The following CNTN5 variants were observed in gnomAD, a reference collection of about 807,000 sequenced individuals.
CNTN5 encodes contactin-5.
A neutral mutation model predicts 129.1 loss-of-function variants in CNTN5; 77 were observed. That is an observed-to-expected ratio of 0.60 (90% CI 0.50 to 0.72). The LOEUF (loss-of-function observed/expected upper bound fraction) is 0.72, where lower values mean the gene tolerates loss of function less well. Ranked by LOEUF, CNTN5 falls within the 30% of genes least tolerant of loss-of-function variation. The pLI is 0.00. For synonymous variants in CNTN5, 509 were observed against 465.6 expected (o/e 1.09, Z -1.20); for missense variants, 1,478 against 1,328.8 (o/e 1.11, Z -1.75).
At chr11:99,951,391 T>C (rs1950672423) in intron 7 of CNTN5, among the ~76,000 whole-genome samples, 1 of 152,158 alleles carries the variant, frequency 6.6e-6, no homozygotes, top group Non-Finnish European at 1.5e-5. Flanking sequence ...CTACTACTTG[T>C]TGATATCCCA....
chr11:100,278,547 T>G (rs1406087406), intron 18 of CNTN5, among the ~76,000 whole-genome samples: 1 of 151,992 alleles, frequency 6.6e-6, no homozygotes, highest in Non-Finnish European at 1.5e-5. Flanking sequence ...TTCCTAAGTG[T>G]TGTATTTTAT....
rs772271718 is a variant in CNTN5, at chr11:99,879,999, T to A, written c.577+34737T>A. On this transcript the variant is annotated intron_variant, in intron 6 of 24. Transcript: ENST00000524871. ...CAAAATTCATTGCAGTCTGTGAGAA[T>A]ATCTTTCAAAGTGAGGTGGGTTTCC... 1.1e-3 allele frequency among the ~76,000 whole-genome samples: 162 copies of A among 152,320 alleles called. 2 individuals carry two copies. Among genetic ancestry groups the A allele is most frequent in the Non-Finnish European group, 1.6e-4 (11 of 68,028 alleles).
At chr11:99,941,914 A>G (rs1203490728) in intron 7 of CNTN5, among the ~76,000 whole-genome samples, 1 of 152,066 alleles carries the variant, frequency 6.6e-6, no homozygotes, top group Non-Finnish European at 1.5e-5. Flanking sequence ...AATTTAGTCT[A>G]TTACCAAGGG....
chr11:100,071,960 C>G, intron 12 of CNTN5, 126 bp downstream of exon 12: 1 of 856,956 alleles, frequency 1.2e-6, no homozygotes, highest in Non-Finnish European at 1.7e-6. Flanking sequence ...AAAAGAAATA[C>G]TATGTCTTGC....
chr11:99,077,920 A>AATCT (rs1310138708), intron 1 of CNTN5, among the ~76,000 whole-genome samples: 20 of 152,196 alleles, frequency 1.3e-4, no homozygotes, highest in African/African-American at 4.6e-4. Context: ...TAAATTACCC[A>AATCT]ATCTCAGGCA....
At chr11:100,014,983 A>G (rs1335863198) in intron 9 of CNTN5, among the ~76,000 whole-genome samples, 2 of 152,170 alleles carry the variant, frequency 1.3e-5, no homozygotes, top group Non-Finnish European at 2.9e-5. Context: ...TTCCAAAGGT[A>G]TAAAATTTTA....
chr11:99,507,079 G>A (rs1475179370), intron 2 of CNTN5, among the ~76,000 whole-genome samples: 1 of 151,818 alleles, frequency 6.6e-6, no homozygotes, highest in Non-Finnish European at 1.5e-5. Context: ...CCTCATATAT[G>A]CATACATAAT....
At chr11:100,300,089 T>C (rs759207782) in intron 20 of CNTN5, among the ~76,000 whole-genome samples, 65 of 151,480 alleles carry the variant, frequency 4.3e-4, no homozygotes, top group Admixed American at 1.4e-3. Flanking sequence ...ATTCACAAGA[T>C]AGAACTCATA....
intron 2 of CNTN5, among the ~76,000 whole-genome samples, chr11:99,427,548 T>C (rs1427494296): frequency 1.3e-5 from 2 of 151,936 alleles, no homozygotes; most frequent in East Asian, 2.0e-4. Context: ...GGGCGGATCA[T>C]GAGGTCAGGA....
intron 2 of CNTN5, among the ~76,000 whole-genome samples, chr11:99,381,241 G>A (rs906865257): frequency 3.9e-5 from 6 of 152,156 alleles, no homozygotes; most frequent in African/African-American, 1.4e-4. Context: ...GGGACAAGAG[G>A]ATCATTAGGT....
At chr11:99,377,913 T>C (rs972242221) in intron 2 of CNTN5, among the ~76,000 whole-genome samples, 1 of 152,116 alleles carries the variant, frequency 6.6e-6, no homozygotes, top group African/African-American at 2.4e-5. Context: ...TTTTAACAAG[T>C]CCCATTTCCT....
chr11:99,692,452 C>G (rs1318423870), intron 3 of CNTN5, among the ~76,000 whole-genome samples: 2 of 152,020 alleles, frequency 1.3e-5, no homozygotes, highest in Non-Finnish European at 2.9e-5. Flanking sequence ...TTTCCCGCAG[C>G]ATTTGTGAAA....
intron 3 of CNTN5, among the ~76,000 whole-genome samples, chr11:99,700,117 G>A (rs1954454250): frequency 6.6e-6 from 1 of 151,402 alleles, no homozygotes; most frequent in African/African-American, 2.4e-5. Flanking sequence ...TAATCCAAAA[G>A]AGTTGCCAAA....
intron 1 of CNTN5, among the ~76,000 whole-genome samples, chr11:99,141,970 G>A (rs1859536489): frequency 1.3e-5 from 2 of 152,108 alleles, no homozygotes; most frequent in African/African-American, 4.8e-5. Context: ...TTCGTTGTTT[G>A]GTGCAGTGTT....
At chr11:99,764,050 T>C (rs1208998470) in intron 3 of CNTN5, among the ~76,000 whole-genome samples, 2 of 152,134 alleles carry the variant, frequency 1.3e-5, no homozygotes, top group Non-Finnish European at 2.9e-5. Context: ...GGAAATGATA[T>C]CATTAGCAAT....
intron 2 of CNTN5, among the ~76,000 whole-genome samples, chr11:99,546,867 CTTAA>C (rs1408024252): frequency 6.6e-6 from 1 of 152,012 alleles, no homozygotes; most frequent in African/African-American, 2.4e-5. Context: ...TGCACTGACT[CTTAA>C]TTAAGTGACT....
chr11:99,846,066 A>G (rs1253860920), intron 6 of CNTN5, among the ~76,000 whole-genome samples: 1 of 151,860 alleles, frequency 6.6e-6, no homozygotes, highest in East Asian at 1.9e-4. Flanking sequence ...TTTTGACTAT[A>G]TCTCCTAGAT....
intron 1 of CNTN5, among the ~76,000 whole-genome samples, chr11:99,274,321 G>C (rs888797740): frequency 2.0e-5 from 3 of 151,662 alleles, no homozygotes; most frequent in Non-Finnish European, 4.4e-5. Flanking sequence ...TTTTTGACTT[G>C]TCTGAAATAT....
chr11:100,294,199 T>A (rs940763877), intron 18 of CNTN5, among the ~76,000 whole-genome samples: 1 of 151,734 alleles, frequency 6.6e-6, no homozygotes, highest in African/African-American at 2.4e-5. Flanking sequence ...AAAAAAAGAT[T>A]GGTAAATGAT....
Sources: gnomAD v4.1 joint callset for allele counts (sites outside exome capture counted in the v4.1 genomes callset) on GRCh38, gnomAD v4.1.1 for gene constraint, MANE v1.5 for transcripts, NCBI Gene and HGNC (gene_info 2026-07-23, HGNC 2026-07-21) for gene names.